DHX32: variants seen among roughly 807,000 people sequenced by gnomAD.
DHX32 encodes the protein putative pre-mRNA-splicing factor ATP-dependent RNA helicase DHX32.
DHX32 carries 51 observed loss-of-function variants against 70.0 expected under a neutral mutation model. That is an observed-to-expected ratio of 0.73 (90% confidence interval 0.58 to 0.92). DHX32 has a LOEUF of 0.92. Among genes scored for constraint, DHX32 ranks in the 40% least tolerant of loss-of-function variants. The pLI is 0.00. For synonymous variants in DHX32, 310 were observed against 315.3 expected (o/e 0.98, Z 0.18); for missense variants, 762 against 891.8 (o/e 0.85, Z 1.85).
chr10:125,891,341 ATCTC>A (rs796462443), intron 1 of DHX32, among the ~76,000 whole-genome samples: 3 of 145,730 alleles, frequency 2.1e-5, no homozygotes, highest in Non-Finnish European at 3.0e-5. Context: ...ACTTTTATCC[ATCTC>A]TCTCTCTCTT....
chr10:125,891,000 A>G (rs1302709039), intron 1 of DHX32, among the ~76,000 whole-genome samples: 1 of 152,138 alleles, frequency 6.6e-6, no homozygotes, highest in East Asian at 1.9e-4. Flanking sequence ...GAGCTCAATC[A>G]ATGTTTATGT....
chr10:125,855,383 G>A (rs921994996), intron 3 of DHX32, among the ~76,000 whole-genome samples: 7 of 151,744 alleles, frequency 4.6e-5, no homozygotes, highest in African/African-American at 1.7e-4. Context: ...CAGCTAACCT[G>A]GATTTGGAAA....
At chr10:125,848,045 A>C (rs183743831) in intron 6 of DHX32, among the ~76,000 whole-genome samples, 1 of 152,332 alleles carries the variant, frequency 6.6e-6, no homozygotes, top group East Asian at 1.9e-4. Flanking sequence ...CATTTACATA[A>C]ATGGACAGAG....
At chr10:125,836,923 T>C in intron 10 of DHX32, 68 bp from the exon 11 acceptor site, 3 of 1,389,988 alleles carry the variant, frequency 2.2e-6, no homozygotes, top group Non-Finnish European at 3.0e-6. Flanking sequence ...AAACATTATG[T>C]CTGGGCACTT....
intron 1 of DHX32, among the ~76,000 whole-genome samples, chr10:125,891,003 G>A (rs1433198291): frequency 1.3e-5 from 2 of 152,014 alleles, no homozygotes; most frequent in East Asian, 3.9e-4. Flanking sequence ...CTCAATCAAT[G>A]TTTATGTATA....
chr10:125,854,307 T>C (rs1271726599), intron 3 of DHX32, 104 bp from the exon 4 acceptor site: 27 of 1,193,948 alleles, frequency 2.3e-5, no homozygotes, highest in Non-Finnish European at 2.8e-5. Flanking sequence ...ACGTAACAGA[T>C]ACAGGGAAAG....
At chr10:125,881,702 T>C (rs964323981), upstream of DHX32, among the ~76,000 whole-genome samples, 22 of 152,300 alleles carry the variant, frequency 1.4e-4, no homozygotes, top group Middle Eastern at 3.4e-3. Context: ...CTGGATGCAG[T>C]GGCGTGATCA....
intron 1 of DHX32, among the ~76,000 whole-genome samples, chr10:125,876,116 C>G (rs570419496): frequency 6.6e-6 from 1 of 152,312 alleles, no homozygotes; most frequent in East Asian, 1.9e-4. Flanking sequence ...TCTGTTGTCC[C>G]TACCCAGAAG....
intron 3 of DHX32, chr10:125,854,948 AGGAGT>A (rs1232074000): frequency 1.3e-5 from 2 of 152,240 alleles, no homozygotes; most frequent in Non-Finnish European, 2.9e-5. Flanking sequence ...AAGGAAGGCC[AGGAGT>A]GGTGGCTCAC....
chr10:125,857,663 A>G (rs537844533), intron 3 of DHX32, among the ~76,000 whole-genome samples: 7 of 152,198 alleles, frequency 4.6e-5, no homozygotes, highest in Non-Finnish European at 8.8e-5. Context: ...TGACAGTTCA[A>G]AAGTCACTCT....
chr10:125,860,778 T>G (rs1454675897), intron 2 of DHX32, among the ~76,000 whole-genome samples: 4 of 114,690 alleles, frequency 3.5e-5, no homozygotes, highest in Non-Finnish European at 7.1e-5. Context: ...TTTTTTGAGA[T>G]AGAGTCTCGC....
In DHX32 at chr10:125,867,202, A is replaced by G; in HGVS notation, c.283-19T>C. 2 of 1,575,790 alleles carry G rather than the reference A, an allele frequency of 1.3e-6. No individual in the cohort carries two copies. Among genetic ancestry groups the G allele is most frequent in the Non-Finnish European group, 8.6e-7 (1 of 1,156,942 alleles). On this transcript the variant is annotated intron_variant, in intron 1 of 10. Coordinates refer to ENST00000284690, the MANE Select transcript of DHX32 (RefSeq NM_018180.3). ...GAGGAACCTGTAGCAGGAAAAAATG[A>G]GACAGGATCAGCTTCTGCTGAAAAC...
intron 6 of DHX32, among the ~76,000 whole-genome samples, chr10:125,851,394 G>T (rs1944087649): frequency 6.6e-6 from 1 of 152,186 alleles, no homozygotes; most frequent in Non-Finnish European, 1.5e-5. Flanking sequence ...TGACTATTGA[G>T]AGAACACAGT....
Position 125,841,724 on chromosome 10 carries a change from G to C in DHX32, c.1543+19C>G. The C allele has an allele frequency of 6.3e-7, 1 of 1,595,568 alleles. No homozygotes were observed. Among genetic ancestry groups the C allele is most frequent in the Non-Finnish European group, 8.5e-7 (1 of 1,176,122 alleles). Reference sequence around the variant, plus strand: ...GTGCAGATTTGCAAAAAAAGAAAAGGAATAGTCATTAAGGATACCTGTTAC... The same window carrying C: ...GTGCAGATTTGCAAAAAAAGAAAAGCAATAGTCATTAAGGATACCTGTTAC... On this transcript the variant is annotated intron_variant, in intron 7 of 10. Transcript: ENST00000284690.
At chr10:125,837,082 G>C (rs1300390846) in intron 10 of DHX32, among the ~76,000 whole-genome samples, 1 of 152,180 alleles carries the variant, frequency 6.6e-6, no homozygotes, top group African/African-American at 2.4e-5. Context: ...CTAGTGTTAT[G>C]CCACACAGTG....
At chr10:125,872,656 T>A (rs181213407) in intron 1 of DHX32, among the ~76,000 whole-genome samples, 1 of 152,338 alleles carries the variant, frequency 6.6e-6, no homozygotes, top group East Asian at 1.9e-4. Flanking sequence ...TGTTTCTCAA[T>A]CCATTTTCTA....
chr10:125,840,780 T>C (rs1411520361), intron 8 of DHX32, 67 bp downstream of exon 8: 4 of 1,470,918 alleles, frequency 2.7e-6, no homozygotes, highest in Non-Finnish European at 3.6e-6. Flanking sequence ...GAATAACTAA[T>C]AAGGACTCAG....
intron 2 of DHX32, among the ~76,000 whole-genome samples, chr10:125,865,642 G>A (rs922818179): frequency 1.3e-5 from 2 of 152,074 alleles, no homozygotes; most frequent in South Asian, 2.1e-4. Flanking sequence ...TGATCTTTCC[G>A]CTTCAGCCTC....
At chr10:125,888,263 G>C (rs1381274288) in intron 1 of DHX32, among the ~76,000 whole-genome samples, 1 of 150,726 alleles carries the variant, frequency 6.6e-6, no homozygotes, top group Non-Finnish European at 1.5e-5. Flanking sequence ...GAGTGCAGTG[G>C]CATGATCATA....
Sources: allele counts gnomAD v4.1 joint callset (sites outside exome capture counted in the v4.1 genomes callset), GRCh38; gene constraint gnomAD v4.1.1; transcripts MANE v1.5; gene names NCBI Gene and HGNC (gene_info 2026-07-23, HGNC 2026-07-21).